Variants in PCDHA5 observed in about 807,000 individuals in gnomAD.
The protein encoded by PCDHA5 is protocadherin alpha 5.
PCDHA5 carries 43 observed loss-of-function variants against 61.6 expected under a neutral mutation model. The observed-to-expected ratio is 0.70, with a 90% CI of 0.55 to 0.90. The LOEUF (loss-of-function observed/expected upper bound fraction) is 0.90, where lower values mean the gene tolerates loss of function less well. Ranked by LOEUF, PCDHA5 falls within the 40% of genes least tolerant of loss-of-function variation. The probability of loss-of-function intolerance (pLI) is 0.00; values close to 1 mark genes in which losing one functional copy is unlikely to be tolerated. For synonymous variants in PCDHA5, 627 were observed against 543.9 expected, an observed-to-expected ratio of 1.15 and a Z score of -2.13; for missense variants, 1,298 against 1,222.7, an observed-to-expected ratio of 1.06 and a Z score of -0.92.
chr5:140,827,940 C>T, intron 1 of PCDHA5: 2 of 1,159,002 alleles, frequency 1.7e-6, no homozygotes, highest in Non-Finnish European at 2.4e-6. Flanking sequence ...TTATAGCTAG[C>T]CAACATTCAA....
intron 3 of PCDHA5, among the ~76,000 whole-genome samples, chr5:140,997,614 A>G (rs1355709943): frequency 6.6e-6 from 1 of 152,148 alleles, no homozygotes; most frequent in Admixed American, 6.6e-5. Context: ...GCATGACTAT[A>G]TAGAGATTTT....
chr5:140,926,656 T>C (rs1372034097), intron 1 of PCDHA5: 1 of 513,300 alleles, frequency 1.9e-6, no homozygotes, highest in Non-Finnish European at 3.1e-6. Flanking sequence ...CGGCTCCGCT[T>C]TCCCAGACGG....
At chr5:140,873,086 C>G (rs984385666) in intron 1 of PCDHA5, among the ~76,000 whole-genome samples, 1 of 152,122 alleles carries the variant, frequency 6.6e-6, no homozygotes, top group Non-Finnish European at 1.5e-5. Context: ...ATTTCCCCCC[C>G]GTATAGAGGC....
rs1446596900 is a variant in PCDHA5 at position 140,900,305 on chromosome 5, C to T, written c.2352+76178C>T. On this transcript the variant is annotated intron_variant, in intron 1 of 3. Transcript: ENST00000529859. ...TTTCTTTTCTGTTTTTTTAGACAGTCTCACTTTTGTCGCCCAGGCTGGAGT... is the reference window on the plus strand; with the variant it reads ...TTTCTTTTCTGTTTTTTTAGACAGTTTCACTTTTGTCGCCCAGGCTGGAGT... Among the ~76,000 whole-genome samples the T allele has an allele frequency of 1.3e-4, 20 of 151,754 alleles. No homozygotes were observed. In the East Asian group the frequency reaches 3.9e-3, roughly 30 times the overall value.
chr5:140,964,969 G>T (rs2095866914), intron 1 of PCDHA5, among the ~76,000 whole-genome samples: 1 of 152,190 alleles, frequency 6.6e-6, no homozygotes, highest in South Asian at 2.1e-4. Flanking sequence ...TGGAACGAAG[G>T]GATGTGCTAG....
chr5:140,967,529 C>A, intron 1 of PCDHA5: 1 of 1,613,244 alleles, frequency 6.2e-7, no homozygotes, highest in South Asian at 1.1e-5. Context: ...CGACAACTCT[C>A]CTGCCTTTGA....
chr5:141,000,421 A>ATTTTTTTT (rs34755515), intron 3 of PCDHA5, among the ~76,000 whole-genome samples: 2 of 27,968 alleles, frequency 7.2e-5, no homozygotes, highest in Admixed American at 6.5e-4. Context: ...ATATATATAT[A>ATTTTTTTT]TTTTTTTTTT....
At chr5:140,850,645 T>G in intron 1 of PCDHA5, 1 of 1,598,542 alleles carries the variant, frequency 6.3e-7, no homozygotes. Flanking sequence ...ACGCTGCTGC[T>G]GTACACTGTG....
At chr5:140,989,373 C>A (rs1189877807) in intron 3 of PCDHA5, among the ~76,000 whole-genome samples, 1 of 152,088 alleles carries the variant, frequency 6.6e-6, no homozygotes, top group Non-Finnish European at 1.5e-5. Context: ...TGACTGAGAG[C>A]TTTGTGGGAA....
At chr5:140,876,443 A>C in intron 1 of PCDHA5, 1 of 1,614,012 alleles carries the variant, frequency 6.2e-7, no homozygotes, top group Non-Finnish European at 8.5e-7. Context: ...AACGCCATTG[A>C]TAAAGGGATT....
At chr5:140,965,288 T>C (rs1020237812) in intron 1 of PCDHA5, among the ~76,000 whole-genome samples, 5 of 152,216 alleles carry the variant, frequency 3.3e-5, no homozygotes, top group Non-Finnish European at 7.3e-5. Flanking sequence ...CATGGAAAGA[T>C]TTCCTCTGAT....
chr5:140,884,113 G>T (rs782579609), intron 1 of PCDHA5: 15 of 1,613,390 alleles, frequency 9.3e-6, no homozygotes, highest in Admixed American at 3.3e-5. Context: ...AGCTGGCGGC[G>T]GTCGGCGCGC....
intron 1 of PCDHA5, among the ~76,000 whole-genome samples, chr5:140,958,652 G>C (rs991773774): frequency 6.6e-6 from 1 of 152,030 alleles, no homozygotes; most frequent in East Asian, 1.9e-4. Context: ...ATCACAGAAA[G>C]CTATGATGAA....
At chr5:140,992,044 T>A (rs1160444128) in intron 3 of PCDHA5, among the ~76,000 whole-genome samples, 1 of 151,788 alleles carries the variant, frequency 6.6e-6, no homozygotes, top group African/African-American at 2.4e-5. Flanking sequence ...TGTGTGTGTG[T>A]GTGTGTGTGT....
At chr5:140,959,999 A>G (rs564390780) in intron 1 of PCDHA5, among the ~76,000 whole-genome samples, 2 of 152,318 alleles carry the variant, frequency 1.3e-5, no homozygotes, top group African/African-American at 4.8e-5. Flanking sequence ...ATGAAATACA[A>G]ATCTATTTTG....
In PCDHA5 at chr5:140,876,316, A is replaced by G. The variant is rs782671827; in HGVS notation, c.2352+52189A>G. ...TAATGGAGAAATTTCCTATGGGATC[A>G]AAATGATTTTGCCAGTGAGTGAGAA... is the stretch of plus-strand genomic sequence containing the variant. On this transcript the variant is annotated intron_variant, in intron 1 of 3. Transcript: ENST00000529859. 4 of 1,613,952 alleles carry G rather than the reference A, an allele frequency of 2.5e-6. No individual in the cohort carries two copies. Among genetic ancestry groups the G allele is most frequent in the Admixed American group, 3.3e-5 (2 of 60,018 alleles).
chr5:140,873,624 A>G lies in PCDHA5; in HGVS notation c.2352+49497A>G, dbSNP rs562277902. On this transcript the variant is annotated intron_variant, in intron 1 of 3. Transcript: ENST00000529859. The stretch of plus-strand genomic sequence containing the variant: ...TTCCTATTGGCTTAACAATTTGTTT[A>G]GGTCAAAGAGTATGTGAGAACTACA... Among the ~76,000 whole-genome samples the G allele has an allele frequency of 2.6e-5, 4 of 152,192 alleles. No homozygotes were observed. In the South Asian group the frequency reaches 8.3e-4, roughly 32 times the overall value.
rs1780817740 is a variant in PCDHA5 at position 140,847,024 on chromosome 5, AAG to A, written c.2352+22901_2352+22902del. Among the ~76,000 whole-genome samples, 2 of 149,770 alleles carry A rather than the reference AAG, an allele frequency of 1.3e-5. 1 individual carries two copies. Among genetic ancestry groups the A allele is most frequent in the Non-Finnish European group, 3.0e-5 (2 of 66,958 alleles). The stretch of plus-strand genomic sequence containing the variant: ...TTGAGAATGATAGACATTTCTTGGA[AAG>A]AGAAAACATAAGGAAAGTTGAAGAC... On this transcript the variant is annotated intron_variant, in intron 1 of 3. Coordinates refer to ENST00000529859, the MANE Select transcript of PCDHA5 (RefSeq NM_018908.3).
Position 140,943,601 on chromosome 5 carries a change from T to C in PCDHA5, c.2353-35348T>C, listed in dbSNP as rs148231077. ...TCTGAGTGGGGCTGAATTCTAAATA[T>C]AGACTTTGATTCATCTGCATAAGGA... On this transcript the variant is annotated intron_variant, in intron 1 of 3. Coordinates refer to ENST00000529859, the MANE Select transcript of PCDHA5 (RefSeq NM_018908.3). Among the ~76,000 whole-genome samples the C allele has an allele frequency of 1.9e-3, 291 of 152,290 alleles. 2 individuals carry two copies. The highest frequency in any genetic ancestry group is 6.6e-3 in the African/African-American group (276 of 41,566).
Sources: gnomAD v4.1 joint callset for allele counts (sites outside exome capture counted in the v4.1 genomes callset) on GRCh38, gnomAD v4.1.1 for gene constraint, MANE v1.5 for transcripts, NCBI Gene and HGNC (gene_info 2026-07-23, HGNC 2026-07-21) for gene names.